Variants in OR9Q1 observed in about 807,000 individuals in gnomAD.
OR9Q1 encodes olfactory receptor 9Q1.
For synonymous variants in OR9Q1, 153 were observed against 148.6 expected, an observed-to-expected ratio of 1.03 and a Z score of -0.22; for missense variants, 374 against 378.8, an observed-to-expected ratio of 0.99 and a Z score of 0.11.
At chr11:58,100,128 G>T (rs1853769964) in intron 2 of OR9Q1, among the ~76,000 whole-genome samples, 1 of 152,140 alleles carries the variant, frequency 6.6e-6, no homozygotes, top group South Asian at 2.1e-4. Context: ...AACCCTTGGA[G>T]CAGCATTTCA....
chr11:58,070,357 T>C (rs1853475733), intron 2 of OR9Q1, among the ~76,000 whole-genome samples: 1 of 151,994 alleles, frequency 6.6e-6, no homozygotes, highest in African/African-American at 2.4e-5. Context: ...TCACTTCAGA[T>C]GTACATTATA....
In OR9Q1 at chr11:58,152,340, A is replaced by G. The variant is rs149984519; in HGVS notation, c.-14-27091A>G. On this transcript the variant is annotated intron_variant, in intron 2 of 2. Transcript: ENST00000335397. Reference sequence around the variant, plus strand: ...AATTCAGGACATTTAAAATAAGCTAATAATGGAATTCTCTCCAGAAGGGCT... The same window carrying G: ...AATTCAGGACATTTAAAATAAGCTAGTAATGGAATTCTCTCCAGAAGGGCT... Among the ~76,000 whole-genome samples, 282 of 152,354 alleles carry G rather than the reference A, an allele frequency of 1.9e-3. 1 individual carries two copies. The highest frequency in any genetic ancestry group is 6.1e-3 in the African/African-American group (254 of 41,586).
At chr11:58,061,256 A>C (rs762218782) in intron 2 of OR9Q1, among the ~76,000 whole-genome samples, 32 of 152,144 alleles carry the variant, frequency 2.1e-4, no homozygotes, top group Non-Finnish European at 3.2e-4. Flanking sequence ...CTTTGGCCCT[A>C]TATTGGGCAA....
intron 2 of OR9Q1, among the ~76,000 whole-genome samples, chr11:58,142,141 C>A (rs1354290647): frequency 2.0e-5 from 3 of 152,122 alleles, no homozygotes; most frequent in Non-Finnish European, 4.4e-5. Flanking sequence ...CTTATCCTTA[C>A]TTTGATACTT....
At chr11:58,120,802 CCATATA>C (rs1433972298) in intron 2 of OR9Q1, among the ~76,000 whole-genome samples, 1 of 72,950 alleles carries the variant, frequency 1.4e-5, no homozygotes, top group Non-Finnish European at 2.6e-5. Context: ...TATTTCAATA[CCATATA>C]TATATATATA....
intron 2 of OR9Q1, among the ~76,000 whole-genome samples, chr11:58,138,192 G>A (rs1423103437): frequency 3.9e-5 from 6 of 152,134 alleles, no homozygotes; most frequent in African/African-American, 1.2e-4. Context: ...TCCCAGAGCA[G>A]AGACCTAAAA....
In OR9Q1 at chr11:58,118,883, C is replaced by G. The variant is rs150246716; in HGVS notation, c.-14-60548C>G. 8.8e-4 allele frequency: 1,423 copies of G among 1,613,950 alleles called. 9 individuals carry two copies. The African/African-American group carries it at 0.016, about 19-fold the overall frequency. On this transcript the variant is annotated intron_variant, in intron 2 of 2. Coordinates refer to ENST00000335397, the MANE Select transcript of OR9Q1 (RefSeq NM_001005212.4). ...TCGATGTTTGCTGTGTCACTGCAGG[C>G]AAGCTTCAGCAGGGGTGGGAGGTCA... is the stretch of plus-strand genomic sequence containing the variant.
intron 1 of OR9Q1, among the ~76,000 whole-genome samples, chr11:58,035,483 A>C (rs1377047981): frequency 6.6e-6 from 1 of 152,242 alleles, no homozygotes; most frequent in East Asian, 1.9e-4. Context: ...AAGGCTTAAA[A>C]AGACAATTAT....
At chr11:58,050,636 G>GA in intron 1 of OR9Q1, among the ~76,000 whole-genome samples, 1 of 123,440 alleles carries the variant, frequency 8.1e-6, no homozygotes, top group Non-Finnish European at 1.7e-5. Context: ...CACAGCAAAA[G>GA]AAACTACCGT....
chr11:58,120,139 G>A (rs1854013880), intron 2 of OR9Q1, among the ~76,000 whole-genome samples: 1 of 152,022 alleles, frequency 6.6e-6, no homozygotes, highest in Non-Finnish European at 1.5e-5. Context: ...CCCAGCTCAG[G>A]GGCCATCATC....
intron 2 of OR9Q1, among the ~76,000 whole-genome samples, chr11:58,104,666 T>G (rs181137976): frequency 5.9e-5 from 9 of 152,336 alleles, no homozygotes; most frequent in Non-Finnish European, 1.2e-4. Flanking sequence ...ACTTTTCTTT[T>G]ATCTTTGATG....
chr11:58,110,950 AC>A (rs1853893846), intron 2 of OR9Q1, among the ~76,000 whole-genome samples: 1 of 151,924 alleles, frequency 6.6e-6, no homozygotes, highest in South Asian at 2.1e-4. Context: ...AGGTTTAGGG[AC>A]TTGTTTGTGA....
intron 2 of OR9Q1, among the ~76,000 whole-genome samples, chr11:58,100,639 T>C (rs1232526957): frequency 6.6e-6 from 1 of 152,162 alleles, no homozygotes; most frequent in Non-Finnish European, 1.5e-5. Context: ...TTTATATTTA[T>C]ATTGAATATT....
At chr11:58,104,626 G>T (rs1304855609) in intron 2 of OR9Q1, among the ~76,000 whole-genome samples, 1 of 152,156 alleles carries the variant, frequency 6.6e-6, no homozygotes, top group Non-Finnish European at 1.5e-5. Context: ...ATAATCTCTA[G>T]GAGAGTCAGT....
At chr11:58,059,182 A>C (rs1853354937) in intron 2 of OR9Q1, among the ~76,000 whole-genome samples, 1 of 152,220 alleles carries the variant, frequency 6.6e-6, no homozygotes, top group Admixed American at 6.5e-5. Flanking sequence ...GCAGCGGACT[A>C]AAGAATGCCA....
chr11:58,055,800 T>TAAAAAAAAA (rs56345647), intron 1 of OR9Q1, 70 bp from the exon 2 acceptor site: 7 of 112,902 alleles, frequency 6.2e-5, no homozygotes, highest in African/African-American at 6.9e-5. Flanking sequence ...ACTCTATCTC[T>TAAAAAAAAA]AAAAAAAAAA....
chr11:58,171,351 G>A (rs187448916), intron 2 of OR9Q1: 1 of 152,416 alleles, frequency 6.6e-6, no homozygotes, highest in East Asian at 1.9e-4. Flanking sequence ...CCTGAATTGG[G>A]TGATAGCTTC....
chr11:58,087,969 C>A (rs1189317470), intron 2 of OR9Q1, among the ~76,000 whole-genome samples: 1 of 151,530 alleles, frequency 6.6e-6, no homozygotes, highest in Non-Finnish European at 1.5e-5. Flanking sequence ...TTCACTGCAA[C>A]CTCTGCCTCC....
intron 2 of OR9Q1, among the ~76,000 whole-genome samples, chr11:58,081,419 T>C (rs1853586016): frequency 6.6e-6 from 1 of 152,188 alleles, no homozygotes. Context: ...ATTGAACTAA[T>C]TTACACTCCC....
Sources: allele counts gnomAD v4.1 joint callset (sites outside exome capture counted in the v4.1 genomes callset), GRCh38; gene constraint gnomAD v4.1.1; transcripts MANE v1.5; gene names NCBI Gene and HGNC (gene_info 2026-07-23, HGNC 2026-07-21).